The following ADARB2 variants were observed in gnomAD, a reference collection of about 807,000 sequenced individuals.
ADARB2 encodes inactive double-stranded RNA-specific editase B2.
Under a neutral mutation model 62.2 loss-of-function variants are expected in ADARB2, and 25 were observed. That is an observed-to-expected ratio of 0.40 (90% CI 0.29 to 0.56). The LOEUF (loss-of-function observed/expected upper bound fraction) is 0.56, where lower values mean the gene tolerates loss of function less well. Among genes scored for constraint, ADARB2 ranks in the 20% least tolerant of loss-of-function variants. ADARB2 has a pLI of 0.43. For missense variants in ADARB2, 1,071 were observed against 1,077.4 expected (o/e 0.99, Z 0.08); for synonymous variants, 572 against 500.8 (o/e 1.14, Z -1.90).
intron 1 of ADARB2, among the ~76,000 whole-genome samples, chr10:1,629,363 C>T (rs912304737): frequency 6.6e-6 from 1 of 152,068 alleles, no homozygotes; most frequent in Non-Finnish European, 1.5e-5. Flanking sequence ...TGGTGGAGAC[C>T]TCCTCATCGT....
At chr10:1,520,488 C>T (rs147147600) in intron 1 of ADARB2, among the ~76,000 whole-genome samples, 571 of 152,276 alleles carry the variant, frequency 3.7e-3, no homozygotes, top group Middle Eastern at 0.014. Context: ...AAAAGCTAAA[C>T]TTAGGGAAGA....
intron 1 of ADARB2, among the ~76,000 whole-genome samples, chr10:1,532,735 T>C (rs533441866): frequency 1.3e-5 from 2 of 152,284 alleles, no homozygotes; most frequent in Middle Eastern, 3.4e-3. Context: ...CCGCTGGCTA[T>C]GGCGCCGGGA....
chr10:1,380,261 G>C (rs1384052642), intron 1 of ADARB2, among the ~76,000 whole-genome samples: 1 of 152,272 alleles, frequency 6.6e-6, no homozygotes, highest in African/African-American at 2.4e-5. Context: ...ACACGGTGCA[G>C]AGCGCGACAG....
chr10:1,627,575 A>G (rs1363280670), intron 1 of ADARB2, among the ~76,000 whole-genome samples: 1 of 152,164 alleles, frequency 6.6e-6, no homozygotes, highest in Admixed American at 6.5e-5. Flanking sequence ...ACAGCTACAC[A>G]GCCATGGCCA....
rs574343770 is a variant in ADARB2, at chr10:1,626,452, G to T, written c.100+110599C>A. Among the ~76,000 whole-genome samples the T allele has an allele frequency of 2.0e-5, 3 of 152,150 alleles. No homozygotes were observed. In the South Asian group the frequency reaches 6.2e-4, roughly 32 times the overall value. On this transcript the variant is annotated intron_variant, in intron 1 of 9. Coordinates refer to ENST00000381312, the MANE Select transcript of ADARB2 (RefSeq NM_018702.4). ...GGACGCTAACCCCACGTCTGCCCAC[G>T]CCTCAGGCACCTCTTGAACTCCGGG...
chr10:1,523,965 A>G (rs1014749629), intron 1 of ADARB2, among the ~76,000 whole-genome samples: 5 of 152,314 alleles, frequency 3.3e-5, no homozygotes, highest in Non-Finnish European at 7.4e-5. Context: ...CCATCCATCC[A>G]TCTACTCATT....
In ADARB2 at chr10:1,460,049, A is replaced by G. The variant is rs71500104; in HGVS notation, c.101-80889T>C. Among the ~76,000 whole-genome samples, 158 of 56,456 alleles carry G rather than the reference A, an allele frequency of 2.8e-3. 2 individuals are homozygous for G. Among genetic ancestry groups the G allele is most frequent in the African/African-American group, 3.8e-3 (65 of 17,314 alleles). The allele number at this position is 56,456 out of a possible 152,430, so 37.0% of individuals were successfully genotyped here. ...TGTGACCTGAGTTTACCTGTGTAGC[A>G]AACCTGCCTGTGACCTGAGTTTACC... On this transcript the variant is annotated intron_variant, in intron 1 of 9. Transcript: ENST00000381312.
intron 1 of ADARB2, among the ~76,000 whole-genome samples, chr10:1,549,406 G>T (rs1832580292): frequency 6.6e-6 from 1 of 152,140 alleles, no homozygotes; most frequent in Non-Finnish European, 1.5e-5. Flanking sequence ...TTTGTTATTT[G>T]ATTATTCCAA....
Position 1,217,033 on chromosome 10 carries a change from C to T in ADARB2, c.1600G>A (p.Gly534Ser). The T allele has an allele frequency of 6.2e-7, 1 of 1,611,732 alleles. No homozygotes were observed. The highest frequency in any genetic ancestry group is 1.1e-5 in the South Asian group (1 of 90,706). The change falls in exon 7 of 10, where the codon GGC becomes AGC. Residue 534 changes from glycine to serine, a missense_variant. Gly to Ser is a moderately conservative substitution (Grantham distance 56, BLOSUM62 0). Coordinates refer to ENST00000381312, the MANE Select transcript of ADARB2 (RefSeq NM_018702.4). ...TCCCAGGTCTGCACTGCGCTGGGGC[C>T]ACGCACGGGGACCGTCCCTTCCCCG... ...ESGEGTVPVR[G>S]PSAVQTWDGV...
intron 1 of ADARB2, among the ~76,000 whole-genome samples, chr10:1,509,210 C>T (rs544430071): frequency 6.6e-6 from 1 of 152,280 alleles, no homozygotes; most frequent in South Asian, 2.1e-4. Flanking sequence ...TGATCAATCT[C>T]TTTGACTTCT....
chr10:1,186,531 G>A (rs768374486), intron 8 of ADARB2: 2 of 519,034 alleles, frequency 3.9e-6, no homozygotes, highest in Admixed American at 1.9e-5. Context: ...CCAGCTGGCC[G>A]GGTGTCTCCC....
chr10:1,333,128 G>C (rs1041450725), intron 3 of ADARB2, among the ~76,000 whole-genome samples: 9 of 152,312 alleles, frequency 5.9e-5, no homozygotes, highest in Non-Finnish European at 1.2e-4. Context: ...TTATTCAATT[G>C]CCAAGATCAT....
chr10:1,563,517 T>TTGAA (rs1832815860), intron 1 of ADARB2, among the ~76,000 whole-genome samples: 1 of 152,162 alleles, frequency 6.6e-6, no homozygotes, highest in Non-Finnish European at 1.5e-5. Context: ...TGAAATTTTG[T>TTGAA]TGAATGAATA....
At chr10:1,405,886 T>TA (rs1564281228) in intron 1 of ADARB2, among the ~76,000 whole-genome samples, 5 of 152,014 alleles carry the variant, frequency 3.3e-5, no homozygotes, top group Non-Finnish European at 5.9e-5. Flanking sequence ...TTCGCCATGA[T>TA]GCACCTGTTT....
At chr10:1,408,870 C>T (rs1446677941) in intron 1 of ADARB2, among the ~76,000 whole-genome samples, 2 of 152,178 alleles carry the variant, frequency 1.3e-5, no homozygotes, top group Non-Finnish European at 2.9e-5. Flanking sequence ...TGCCTGGGAC[C>T]CAACGCCTGC....
intron 1 of ADARB2, among the ~76,000 whole-genome samples, chr10:1,617,497 A>G (rs1482864171): frequency 3.3e-4 from 35 of 104,974 alleles, no homozygotes; most frequent in Admixed American, 6.0e-4. Flanking sequence ...GACACACTCC[A>G]CACCGCCCTG....
At chr10:1,731,118 G>A (rs1835225620) in intron 1 of ADARB2, among the ~76,000 whole-genome samples, 1 of 152,176 alleles carries the variant, frequency 6.6e-6, no homozygotes, top group South Asian at 2.1e-4. Context: ...GGGCTGGAGG[G>A]AGATTGTGGA....
At chr10:1,718,520 G>A (rs1055136382) in intron 1 of ADARB2, among the ~76,000 whole-genome samples, 24 of 152,324 alleles carry the variant, frequency 1.6e-4, no homozygotes, top group African/African-American at 5.3e-4. Flanking sequence ...GTCCACAATC[G>A]AGTCTCTCTG....
chr10:1,195,176 T>C (rs1308067853), intron 8 of ADARB2, among the ~76,000 whole-genome samples: 2 of 152,134 alleles, frequency 1.3e-5, no homozygotes, highest in Non-Finnish European at 2.9e-5. Context: ...CTCCCATCCC[T>C]GTCCTTCCCC....
Sources: allele counts gnomAD v4.1 joint callset (sites outside exome capture counted in the v4.1 genomes callset), GRCh38; gene constraint gnomAD v4.1.1; transcripts MANE v1.5; gene names NCBI Gene and HGNC (gene_info 2026-07-23, HGNC 2026-07-21).